Variants in IL7 observed in about 807,000 individuals in gnomAD.
IL7 encodes interleukin 7.
In IL7, 3 loss-of-function variants were observed where a neutral mutation model predicts 21.6. That is an observed-to-expected ratio of 0.14 (90% CI 0.06 to 0.36). The LOEUF is 0.36. Ranked by LOEUF, IL7 falls within the 10% of genes least tolerant of loss-of-function variation. The pLI, the probability that IL7 is intolerant of heterozygous loss-of-function variation, is 1.00. For missense variants in IL7, 175 were observed against 200.2 expected (o/e 0.87, Z 0.76); for synonymous variants, 62 against 68.1 (o/e 0.91, Z 0.44).
At chr8:78,718,379 A>G (rs957053114) in intron 6 of IL7, 2 of 152,004 alleles carry the variant, frequency 1.3e-5, no homozygotes, top group South Asian at 2.1e-4. Context: ...TTAAAAACAT[A>G]TAATTTTTTG....
intron 2 of IL7, chr8:78,760,386 G>C (rs1812510339): frequency 6.2e-7 from 1 of 1,608,966 alleles, no homozygotes; most frequent in South Asian, 1.1e-5. Flanking sequence ...AGGACCTTCA[G>C]CAATGCATAC....
intron 2 of IL7, among the ~76,000 whole-genome samples, chr8:78,755,923 A>G (rs1812330912): frequency 6.6e-6 from 1 of 151,886 alleles, no homozygotes; most frequent in African/African-American, 2.4e-5. Flanking sequence ...TATAAGAAAG[A>G]CTTTCAGTTT....
At chr8:78,799,892 A>T (rs1032298621) in intron 1 of IL7, among the ~76,000 whole-genome samples, 10 of 151,060 alleles carry the variant, frequency 6.6e-5, no homozygotes, top group Non-Finnish European at 1.5e-5. Flanking sequence ...TTGCTAATTT[A>T]AAAAAAATAT....
At chr8:78,696,957 C>T (rs546430792) in intron 3 of IL7, among the ~76,000 whole-genome samples, 30 of 152,124 alleles carry the variant, frequency 2.0e-4, no homozygotes, top group African/African-American at 5.5e-4. Flanking sequence ...AAGTTTTTTC[C>T]GTTAGACCTT....
chr8:78,699,676 A>G (rs1810538480), intron 3 of IL7, among the ~76,000 whole-genome samples: 1 of 151,950 alleles, frequency 6.6e-6, no homozygotes, highest in Non-Finnish European at 1.5e-5. Flanking sequence ...GTGTCCATGT[A>G]GTCTCATAAT....
chr8:78,750,831 G>T (rs1413256138), intron 2 of IL7, among the ~76,000 whole-genome samples: 4 of 152,100 alleles, frequency 2.6e-5, no homozygotes, highest in South Asian at 4.1e-4. Flanking sequence ...CTCAAAAAAA[G>T]AAAATAAATA....
downstream of IL7, among the ~76,000 whole-genome samples, chr8:78,730,568 T>C (rs1811407099): frequency 6.6e-6 from 1 of 151,902 alleles, no homozygotes; most frequent in African/African-American, 2.4e-5. Context: ...CCTAAATTAG[T>C]TATGTTTTCT....
At chr8:78,731,672 T>C (rs1174553462), downstream of IL7, among the ~76,000 whole-genome samples, 1 of 151,980 alleles carries the variant, frequency 6.6e-6, no homozygotes, top group Non-Finnish European at 1.5e-5. Flanking sequence ...GGAGTAGATA[T>C]ACTTATACTC....
At chr8:78,752,746 TC>T (rs1812216814) in intron 2 of IL7, among the ~76,000 whole-genome samples, 2 of 151,954 alleles carry the variant, frequency 1.3e-5, no homozygotes. Flanking sequence ...TCTCCCCTTG[TC>T]CCCCACCCTG....
At chr8:78,681,100 A>G (rs565794792) in intron 4 of IL7, among the ~76,000 whole-genome samples, 1 of 151,234 alleles carries the variant, frequency 6.6e-6, no homozygotes, top group Non-Finnish European at 1.5e-5. Context: ...AGTGGTTCTC[A>G]TAGGATCTGA....
intron 3 of IL7, among the ~76,000 whole-genome samples, chr8:78,694,468 G>A (rs1474334297): frequency 6.6e-6 from 1 of 152,000 alleles, no homozygotes; most frequent in African/African-American, 2.4e-5. Context: ...GGAAACATTT[G>A]AAATTAAATT....
chr8:78,754,209 A>G (rs898711925), intron 2 of IL7, among the ~76,000 whole-genome samples: 3 of 152,224 alleles, frequency 2.0e-5, no homozygotes, highest in African/African-American at 7.2e-5. Flanking sequence ...GTCTCAGGAT[A>G]CAAAATCAAT....
chr8:78,779,346 C>T (rs975013716), intron 2 of IL7, among the ~76,000 whole-genome samples: 1 of 152,092 alleles, frequency 6.6e-6, no homozygotes, highest in African/African-American at 2.4e-5. Context: ...CAGCTTTTGT[C>T]CATTCAGTAT....
At position 78,689,342 on chromosome 8, in the gene IL7, C is replaced by T. The variant is rs764732047; in HGVS notation, n.215-3395G>A. ...AATAAAGGGAAATTTTCTACAGATA[C>T]CAAAGGAAAACCAACTTCTCGGACA... is the stretch of plus-strand genomic sequence containing the variant. On this transcript the variant is annotated intron_variant and non_coding_transcript_variant, in intron 3 of 4. Transcript: ENST00000523959. 2.1e-5 allele frequency: 34 copies of T among 1,596,832 alleles called. No individual in the cohort carries two copies. The highest frequency in any genetic ancestry group is 2.6e-5 in the Non-Finnish European group (30 of 1,172,622).
At chr8:78,675,788 G>T (rs901730759) in exon 5 of IL7, 1 of 1,606,026 alleles carries the variant, frequency 6.2e-7, no homozygotes. Flanking sequence ...CTGTTTTAGA[G>T]AATGGAGGTG....
intron 4 of IL7, among the ~76,000 whole-genome samples, chr8:78,682,211 A>C (rs1365896540): frequency 2.0e-5 from 3 of 152,218 alleles, no homozygotes; most frequent in African/African-American, 7.2e-5. Context: ...GGCAGTTCCC[A>C]TTAAAATCAA....
At chr8:78,801,849 T>C (rs1039217429) in intron 1 of IL7, among the ~76,000 whole-genome samples, 2 of 152,208 alleles carry the variant, frequency 1.3e-5, no homozygotes, top group Admixed American at 6.5e-5. Flanking sequence ...CTCCCATTAA[T>C]GATGTAGCTT....
At chr8:78,770,876 T>C (rs1313450628) in intron 2 of IL7, among the ~76,000 whole-genome samples, 2 of 152,108 alleles carry the variant, frequency 1.3e-5, no homozygotes, top group African/African-American at 4.8e-5. Context: ...AGCCTTTAAG[T>C]TCCTATCTGA....
At chr8:78,797,717 ACT>A (rs1372466949) in intron 2 of IL7, 2 of 168,088 alleles carry the variant, frequency 1.2e-5, no homozygotes, top group African/African-American at 4.8e-5. Context: ...TTAACTATTT[ACT>A]CTGTTATTTT....
Sources: allele counts gnomAD v4.1 joint callset (sites outside exome capture counted in the v4.1 genomes callset), GRCh38; gene constraint gnomAD v4.1.1; transcripts MANE v1.5; gene names NCBI Gene and HGNC (gene_info 2026-07-23, HGNC 2026-07-21).